Variants in SPATS1 observed in about 807,000 individuals in gnomAD.
SPATS1 encodes spermatogenesis-associated serine-rich protein 1.
Under a neutral mutation model 33.6 loss-of-function variants are expected in SPATS1, and 23 were observed. That is an observed-to-expected ratio of 0.68 (90% CI 0.49 to 0.97). The LOEUF (loss-of-function observed/expected upper bound fraction) is 0.97. Ranked by LOEUF, SPATS1 falls within the 50% of genes least tolerant of loss-of-function variation. SPATS1 has a pLI of 0.00. For synonymous variants in SPATS1, 131 were observed against 125.6 expected, an observed-to-expected ratio of 1.04 and a Z score of -0.29; for missense variants, 327 against 361.0, an observed-to-expected ratio of 0.91 and a Z score of 0.76.
rs188982010 is a variant in SPATS1, at chr6:44,351,715, A to G, written c.140-1011A>G. Among the ~76,000 whole-genome samples the G allele has an allele frequency of 7.8e-4, 119 of 152,282 alleles. 1 individual carries two copies. The highest frequency in any genetic ancestry group is 2.8e-3 in the African/African-American group (117 of 41,558). ...TAATGGATATTCTTCTATGTCTGAC[A>G]CTCACTGGTTTTCAGGACTCCCTTA... On this transcript the variant is annotated intron_variant, in intron 2 of 8. Coordinates refer to ENST00000674044, the MANE Select transcript of SPATS1 (RefSeq NM_001372081.1).
intron 3 of SPATS1, among the ~76,000 whole-genome samples, chr6:44,356,961 T>G (rs146581029): frequency 2.0e-5 from 3 of 152,270 alleles, no homozygotes; most frequent in Admixed American, 1.3e-4. Flanking sequence ...ACTCCCTGAC[T>G]TAAATTTTAT....
At position 44,352,741 on chromosome 6, in the gene SPATS1, A is replaced by AT. The variant is rs776784234; in HGVS notation, c.159dup (p.Leu54SerfsTer4). 6.2e-7 allele frequency: 1 copy of AT among 1,614,114 alleles called. No individual in the cohort carries two copies. The highest frequency in any genetic ancestry group is 2.2e-5 in the East Asian group (1 of 44,892). On this transcript the variant is annotated frameshift_variant, in exon 3 of 9. Coordinates refer to ENST00000674044, the MANE Select transcript of SPATS1 (RefSeq NM_001372081.1). LOFTEE classifies it high-confidence loss of function. ...TGTGTTACAGGTGCTAATTGCAGTG[A>AT]TTTTCTGGAATCTAAGGGATGTTTT... is the stretch of plus-strand genomic sequence containing the variant.
chr6:44,376,921 G>A (rs1025921925), intron 8 of SPATS1, 114 bp from the exon 9 acceptor site: 35 of 1,168,506 alleles, frequency 3.0e-5, no homozygotes, highest in Non-Finnish European at 2.2e-5. Context: ...CTTCTGTCCC[G>A]AGGTGGTCTC....
At chr6:44,363,000 G>A (rs757334170) in intron 5 of SPATS1, among the ~76,000 whole-genome samples, 2 of 152,052 alleles carry the variant, frequency 1.3e-5, no homozygotes, top group Admixed American at 6.6e-5. Context: ...CACCACACCC[G>A]GTTAATTTTG....
At position 44,368,393 on chromosome 6, in the gene SPATS1, A is replaced by G. The variant is rs780574248; in HGVS notation, c.589A>G (p.Asn197Asp). ...CTTCTCCACAGATATTGATCCCAGG[A>G]ATGGAATCCCAAAGTTAACTCCAGG... ...GRKKYDIDPR[N>D]GIPKLTPGDN... Residue 197 changes from asparagine to aspartate, a missense_variant, in exon 6 of 9, where the codon AAT becomes GAT. By Grantham distance (23) the Asn-to-Asp change is conservative. Coordinates refer to ENST00000674044, the MANE Select transcript of SPATS1 (RefSeq NM_001372081.1). The G allele has an allele frequency of 8.1e-6, 13 of 1,613,402 alleles. No individual in the cohort carries two copies. Among genetic ancestry groups the G allele is most frequent in the Admixed American group, 1.7e-5 (1 of 60,006 alleles).
At chr6:44,343,470 A>G in intron 2 of SPATS1, 2 of 617,940 alleles carry the variant, frequency 3.2e-6, no homozygotes, top group Non-Finnish European at 6.0e-6. Flanking sequence ...ATCTCACAGC[A>G]GTGGAGAAGT....
At chr6:44,361,135 C>T (rs1168292271) in intron 4 of SPATS1, among the ~76,000 whole-genome samples, 1 of 152,206 alleles carries the variant, frequency 6.6e-6, no homozygotes, top group Non-Finnish European at 1.5e-5. Context: ...AGAACCCACA[C>T]TTGCTTGCCT....
At chr6:44,375,447 G>T (rs1330011979) in intron 7 of SPATS1, among the ~76,000 whole-genome samples, 1 of 152,164 alleles carries the variant, frequency 6.6e-6, no homozygotes, top group Non-Finnish European at 1.5e-5. Flanking sequence ...GAGGAACTAG[G>T]TAAGAAATGC....
Position 44,377,176 on chromosome 6 carries a change from T to G in SPATS1, c.*113T>G, listed in dbSNP as rs1351940378. 2.3e-6 allele frequency: 3 copies of G among 1,318,126 alleles called. No individual in the cohort carries two copies. The African/African-American group carries it at 4.4e-5, about 19-fold the overall frequency. The allele number at this position is 1,318,126 out of a possible 1,614,324, so 81.7% of individuals were successfully genotyped here. A position where few individuals can be genotyped will look rare whatever the true frequency, so the allele number is the denominator to read the frequency against. On this transcript the variant is annotated 3_prime_UTR_variant, in exon 9 of 9. Coordinates refer to ENST00000674044, the MANE Select transcript of SPATS1 (RefSeq NM_001372081.1). ...CCAGTGTTTGACCCTTATGAGGAAG[T>G]GTTGTGCTTTGCTTTTTTAAAACTT...
intron 2 of SPATS1, 41 bp from the exon 3 acceptor site, chr6:44,352,685 T>C (rs1001267040): frequency 1.9e-6 from 3 of 1,587,326 alleles, no homozygotes; most frequent in Middle Eastern, 1.7e-4. Flanking sequence ...TGGAATGTAT[T>C]TTCAATAATG....
At position 44,344,390 on chromosome 6, in the gene SPATS1, C is replaced by CGTGTGTGTGT. The variant is rs70993448; in HGVS notation, c.139+1180_139+1189dup. The stretch of plus-strand genomic sequence containing the variant: ...GGGCTCCACAAACCAATTGAAGATA[C>CGTGTGTGTGT]GTGTGTGTGTGTGTGTGTGTGTGTG... On this transcript the variant is annotated intron_variant, in intron 2 of 8. Coordinates refer to ENST00000674044, the MANE Select transcript of SPATS1 (RefSeq NM_001372081.1). Among the ~76,000 whole-genome samples, 280 of 145,596 alleles carry CGTGTGTGTGT rather than the reference C, an allele frequency of 1.9e-3. 1 individual carries two copies. The highest frequency in any genetic ancestry group is 0.013 in the East Asian group (63 of 4,978).
chr6:44,362,089 T>A, intron 5 of SPATS1, 97 bp downstream of exon 5: 2 of 1,462,088 alleles, frequency 1.4e-6, no homozygotes, highest in Non-Finnish European at 1.9e-6. Flanking sequence ...GGCAGCCCTG[T>A]AGAGTCACCA....
At chr6:44,358,130 T>C (rs1788699627) in intron 3 of SPATS1, among the ~76,000 whole-genome samples, 1 of 151,936 alleles carries the variant, frequency 6.6e-6, no homozygotes, top group Middle Eastern at 3.2e-3. Context: ...GAATCAGGGG[T>C]GGGGGCACTG....
chr6:44,363,339 T>A (rs1789040838), intron 5 of SPATS1, among the ~76,000 whole-genome samples: 1 of 152,108 alleles, frequency 6.6e-6, no homozygotes, highest in South Asian at 2.1e-4. Context: ...GAGACAGGGT[T>A]TCTCCATGTT....
intron 2 of SPATS1, among the ~76,000 whole-genome samples, chr6:44,347,279 C>T (rs376280103): frequency 5.9e-5 from 9 of 152,076 alleles, no homozygotes; most frequent in East Asian, 1.9e-4. Flanking sequence ...ATGTAGACGA[C>T]GGGTTGATGG....
chr6:44,350,312 T>A (rs143993339), intron 2 of SPATS1, among the ~76,000 whole-genome samples: 9 of 152,334 alleles, frequency 5.9e-5, no homozygotes, highest in Non-Finnish European at 1.2e-4. Context: ...TAAAATACAG[T>A]GCAGTGATGG....
rs1394682744 is a variant in SPATS1, at chr6:44,343,152, C to G, written c.57C>G (p.Ile19Met). The G allele has an allele frequency of 6.2e-7, 1 of 1,614,188 alleles. No individual in the cohort carries two copies. The highest frequency in any genetic ancestry group is 1.3e-5 in the African/African-American group (1 of 75,040). Residue 19 changes from isoleucine (I) to methionine (M), a missense_variant, in exon 2 of 9, where the codon ATC becomes ATG. By Grantham distance (10) the Ile-to-Met change is conservative. Coordinates refer to ENST00000674044, the MANE Select transcript of SPATS1 (RefSeq NM_001372081.1). ...NSPRGCRLPS[I>M]SSTTCGRQLE... ...CACGGGGCTGCCGTCTCCCCTCCAT[C>G]TCAAGCACGACCTGCGGCAGACAGC... is the stretch of plus-strand genomic sequence containing the variant.
chr6:44,371,412 A>G (rs1204114046), intron 7 of SPATS1, among the ~76,000 whole-genome samples: 1 of 152,168 alleles, frequency 6.6e-6, no homozygotes, highest in African/African-American at 2.4e-5. Flanking sequence ...CCCTAATGAA[A>G]AAGTCTACTA....
In SPATS1 at chr6:44,343,161, G is replaced by A. The variant is rs775361180; in HGVS notation, c.66G>A (p.Thr22=). Residue 22 remains threonine (T), a synonymous_variant, in exon 2 of 9, where the codon ACG becomes ACA. Transcript: ENST00000674044. ...RGCRLPSISS[T]TCGRQLEKVP... ...GCCGTCTCCCCTCCATCTCAAGCAC[G>A]ACCTGCGGCAGACAGCTGGAGAAGG... 6.2e-6 allele frequency: 10 copies of A among 1,613,982 alleles called. No homozygotes were observed. The highest frequency in any genetic ancestry group is 7.6e-6 in the Non-Finnish European group (9 of 1,180,036).
Sources: allele counts gnomAD v4.1 joint callset (sites outside exome capture counted in the v4.1 genomes callset), GRCh38; gene constraint gnomAD v4.1.1; transcripts MANE v1.5; gene names NCBI Gene and HGNC (gene_info 2026-07-23, HGNC 2026-07-21).